Variants in NAALADL2 observed in about 807,000 individuals in gnomAD.
The protein encoded by NAALADL2 is N-acetylated alpha-linked acidic dipeptidase like 2, also known as inactive N-acetylated-alpha-linked acidic dipeptidase-like protein 2.
In NAALADL2, 76 loss-of-function variants were observed where a neutral mutation model predicts 87.2. The ratio of observed to expected loss-of-function variants is 0.87; its 90% CI spans 0.72 to 1.05. The LOEUF (loss-of-function observed/expected upper bound fraction) is 1.05. Among genes scored for constraint, NAALADL2 ranks in the 50% least tolerant of loss-of-function variants. NAALADL2 has a pLI of 0.00. For synonymous variants in NAALADL2, 354 were observed against 331.0 expected (o/e 1.07, Z -0.75); for missense variants, 1,089 against 945.8 (o/e 1.15, Z -1.99).
chr3:175,086,022 G>T (rs1259756354), intron 1 of NAALADL2, among the ~76,000 whole-genome samples: 1 of 152,202 alleles, frequency 6.6e-6, no homozygotes, highest in African/African-American at 2.4e-5. Flanking sequence ...GAGTATTTGT[G>T]AAAGCATTAG....
At chr3:174,856,407 A>G (rs563907103), upstream of NAALADL2, among the ~76,000 whole-genome samples, 2 of 152,208 alleles carry the variant, frequency 1.3e-5, no homozygotes, top group East Asian at 3.9e-4. Flanking sequence ...TTGAATGGAA[A>G]ATTTTAGAAA....
chr3:174,710,323 C>T (rs763474400), intron 2 of NAALADL2, among the ~76,000 whole-genome samples: 4 of 149,402 alleles, frequency 2.7e-5, no homozygotes, highest in South Asian at 2.1e-4. Context: ...GGCGCGATCT[C>T]GGCTCACTGC....
At chr3:175,435,872 T>C (rs1420954820) in intron 5 of NAALADL2, among the ~76,000 whole-genome samples, 1 of 151,662 alleles carries the variant, frequency 6.6e-6, no homozygotes, top group Non-Finnish European at 1.5e-5. Flanking sequence ...TTTTATACTT[T>C]AAGTTTTAGG....
intron 1 of NAALADL2, among the ~76,000 whole-genome samples, chr3:175,057,960 A>G (rs1167105908): frequency 6.6e-6 from 1 of 152,176 alleles, no homozygotes; most frequent in African/African-American, 2.4e-5. Context: ...TTCATTCCAA[A>G]CCCATACTGA....
intron 1 of NAALADL2, among the ~76,000 whole-genome samples, chr3:175,035,612 A>G (rs550194630): frequency 4.0e-5 from 6 of 151,416 alleles, no homozygotes; most frequent in African/African-American, 1.5e-4. Flanking sequence ...TTTAATATTG[A>G]TATAGCAATG....
rs1006974946 is a variant in NAALADL2, at chr3:175,190,524, A to G, written c.546-43407A>G. On this transcript the variant is annotated intron_variant, in intron 2 of 13. Transcript: ENST00000454872. ...ACTCACACCTGTTAGGATGTCTATTATCTAAAAGTCAAGAGATAATAAATG... is the reference window on the plus strand; with the variant it reads ...ACTCACACCTGTTAGGATGTCTATTGTCTAAAAGTCAAGAGATAATAAATG... Among the ~76,000 whole-genome samples the G allele has an allele frequency of 3.9e-5, 6 of 152,302 alleles. No homozygotes were observed. In the South Asian group the frequency reaches 1.2e-3, roughly 32 times the overall value.
intron 2 of NAALADL2, among the ~76,000 whole-genome samples, chr3:174,728,268 G>T (rs900187259): frequency 6.6e-6 from 1 of 151,810 alleles, no homozygotes; most frequent in Non-Finnish European, 1.5e-5. Flanking sequence ...CAATTGTTGG[G>T]GTATGAATTG....
chr3:174,990,521 G>T (rs1746584241), intron 1 of NAALADL2, among the ~76,000 whole-genome samples: 2 of 151,860 alleles, frequency 1.3e-5, no homozygotes, highest in African/African-American at 4.8e-5. Flanking sequence ...TTGAAGTGAG[G>T]GATTGATTTT....
At chr3:175,256,283 A>G in intron 3 of NAALADL2, 128 bp from the exon 4 acceptor site, 1 of 824,716 alleles carries the variant, frequency 1.2e-6, no homozygotes. Flanking sequence ...GGGACAGGGT[A>G]AGAGATAGAA....
intron 1 of NAALADL2, among the ~76,000 whole-genome samples, chr3:174,965,631 A>G (rs1016399039): frequency 1.3e-5 from 2 of 152,148 alleles, no homozygotes; most frequent in African/African-American, 4.8e-5. Context: ...TTGTGCTTAT[A>G]TGAAGGAAAA....
chr3:175,609,365 A>G (rs960888380), intron 10 of NAALADL2: 1 of 152,208 alleles, frequency 6.6e-6, no homozygotes, highest in African/African-American at 2.4e-5. Flanking sequence ...ATTTCCATTG[A>G]AGAATGTTAA....
chr3:175,114,049 C>T (rs545116972), intron 2 of NAALADL2, among the ~76,000 whole-genome samples: 7 of 151,522 alleles, frequency 4.6e-5, no homozygotes, highest in African/African-American at 1.5e-4. Flanking sequence ...TATTTAATAT[C>T]GGCTTCATGC....
intron 1 of NAALADL2, among the ~76,000 whole-genome samples, chr3:174,873,664 T>G (rs746265144): frequency 1.3e-5 from 2 of 152,098 alleles, no homozygotes; most frequent in African/African-American, 4.8e-5. Context: ...TAGGCATGAT[T>G]TGAATTTTAC....
intron 9 of NAALADL2, among the ~76,000 whole-genome samples, chr3:175,575,356 C>T (rs1718708594): frequency 6.6e-6 from 1 of 152,096 alleles, no homozygotes; most frequent in African/African-American, 2.4e-5. Context: ...ACACTCTCGG[C>T]TCACTGCAAC....
chr3:174,654,650 T>C (rs1724719972), intron 2 of NAALADL2, among the ~76,000 whole-genome samples: 2 of 152,220 alleles, frequency 1.3e-5, no homozygotes, highest in Admixed American at 6.5e-5. Context: ...TGCCATGTTT[T>C]CTTTAGTGCA....
At chr3:175,002,385 G>A (rs146398515) in intron 1 of NAALADL2, among the ~76,000 whole-genome samples, 96 of 152,202 alleles carry the variant, frequency 6.3e-4, no homozygotes, top group Middle Eastern at 6.8e-3. Flanking sequence ...AGGATGAACC[G>A]TTGAAGTTCC....
At chr3:175,536,888 A>G (rs1007944965) in intron 9 of NAALADL2, among the ~76,000 whole-genome samples, 3 of 152,184 alleles carry the variant, frequency 2.0e-5, no homozygotes, top group Admixed American at 6.5e-5. Flanking sequence ...AGCCTGAGGC[A>G]GGAGAATGGC....
rs114672425 is a variant in NAALADL2, at chr3:174,872,065, C to T, written c.43+12615C>T. The stretch of plus-strand genomic sequence containing the variant: ...AAGGTTCTTCAAAGCTTATATGAAA[C>T]GGTGAACATTGTGATTATCATTTTG... On this transcript the variant is annotated intron_variant, in intron 1 of 13. Transcript: ENST00000454872. 2.5e-3 allele frequency among the ~76,000 whole-genome samples: 376 copies of T among 152,106 alleles called. 1 individual carries two copies. The highest frequency in any genetic ancestry group is 8.7e-3 in the African/African-American group (360 of 41,496).
intron 4 of NAALADL2, among the ~76,000 whole-genome samples, chr3:175,283,650 A>G (rs1197479551): frequency 6.6e-6 from 1 of 152,128 alleles, no homozygotes; most frequent in Non-Finnish European, 1.5e-5. Context: ...ATTCCATACA[A>G]CAAAGCAGAA....
Sources: allele counts gnomAD v4.1 joint callset (sites outside exome capture counted in the v4.1 genomes callset), GRCh38; gene constraint gnomAD v4.1.1; transcripts MANE v1.5; gene names NCBI Gene and HGNC (gene_info 2026-07-23, HGNC 2026-07-21).